Variants in SCYL2 observed in about 807,000 individuals in gnomAD.
SCYL2 encodes SCY1 like pseudokinase 2, also known as SCY1-like protein 2.
Under a neutral mutation model 100.4 loss-of-function variants are expected in SCYL2, and 36 were observed. The observed-to-expected ratio is 0.36, with a 90% CI of 0.27 to 0.47. The LOEUF is 0.47. SCYL2 is among the 20% of genes least tolerant of loss of function. SCYL2 has a pLI of 1.00. For missense variants in SCYL2, 902 were observed against 1,083.9 expected (o/e 0.83, Z 2.36); for synonymous variants, 330 against 359.2 (o/e 0.92, Z 0.92).
intron 3 of SCYL2, among the ~76,000 whole-genome samples, chr12:100,295,776 A>C (rs897842337): frequency 1.1e-5 from 1 of 88,952 alleles, no homozygotes; most frequent in African/African-American, 5.7e-5. Flanking sequence ...GAGACGGGAG[A>C]GGGAGAGGGA....
intron 4 of SCYL2, among the ~76,000 whole-genome samples, chr12:100,309,123 T>C (rs1296582506): frequency 1.3e-5 from 2 of 151,740 alleles, no homozygotes; most frequent in African/African-American, 4.9e-5. Flanking sequence ...TGTGTGTGTG[T>C]GTGTGTGTGT....
At chr12:100,284,356 A>G (rs999246549) in intron 2 of SCYL2, among the ~76,000 whole-genome samples, 4 of 152,102 alleles carry the variant, frequency 2.6e-5, no homozygotes, top group African/African-American at 9.7e-5. Flanking sequence ...ACTTTTCTAC[A>G]TTGCACTTTT....
chr12:100,274,817 A>C (rs566343512), intron 1 of SCYL2, among the ~76,000 whole-genome samples: 1 of 152,320 alleles, frequency 6.6e-6, no homozygotes, highest in African/African-American at 2.4e-5. Context: ...CAATTTGGAG[A>C]GCGATAGGGC....
chr12:100,313,475 A>G lies in SCYL2; in HGVS notation c.906A>G (p.Glu302=). The G allele has an allele frequency of 6.2e-7, 1 of 1,611,662 alleles. No homozygotes were observed. Among genetic ancestry groups the G allele is most frequent in the South Asian group, 1.1e-5 (1 of 90,958 alleles). Residue 302 remains glutamate, a synonymous_variant, in exon 7 of 18, where the codon GAA becomes GAG. Coordinates refer to ENST00000360820, the MANE Select transcript of SCYL2 (RefSeq NM_017988.6). ...SLTNIPEEVR[E]HVKLLLNVTP... ...CAAATATACCTGAGGAAGTTCGTGA[A>G]CATGTAAAGCTACTGTTAAATGTAA...
At chr12:100,318,745 A>G (rs1276978923) in intron 10 of SCYL2, among the ~76,000 whole-genome samples, 1 of 152,184 alleles carries the variant, frequency 6.6e-6, no homozygotes, top group Non-Finnish European at 1.5e-5. Flanking sequence ...TTCTGCAATG[A>G]AGTTAATTTG....
intron 4 of SCYL2, among the ~76,000 whole-genome samples, chr12:100,299,212 G>A (rs558471069): frequency 3.2e-4 from 49 of 152,178 alleles, no homozygotes; most frequent in African/African-American, 1.2e-3. Context: ...TCCAGCCTGG[G>A]TGACAGAGTG....
intron 4 of SCYL2, among the ~76,000 whole-genome samples, chr12:100,303,910 A>G (rs1308025121): frequency 6.6e-6 from 1 of 152,182 alleles, no homozygotes; most frequent in Non-Finnish European, 1.5e-5. Flanking sequence ...AGTTTTATGT[A>G]TAAACCCCTG....
intron 10 of SCYL2, among the ~76,000 whole-genome samples, chr12:100,319,712 G>A (rs992685420): frequency 1.3e-4 from 19 of 151,976 alleles, no homozygotes; most frequent in African/African-American, 4.4e-4. Flanking sequence ...TAGTAGAGAC[G>A]GGGTTTCACC....
chr12:100,289,961 T>C (rs866655692), intron 2 of SCYL2, among the ~76,000 whole-genome samples: 3 of 152,226 alleles, frequency 2.0e-5, no homozygotes, highest in African/African-American at 7.2e-5. Context: ...ATCATATGTA[T>C]GTGTCATTGA....
chr12:100,324,319 A>G (rs1251688134), intron 11 of SCYL2, among the ~76,000 whole-genome samples: 1 of 152,172 alleles, frequency 6.6e-6, no homozygotes, highest in Non-Finnish European at 1.5e-5. Flanking sequence ...TCTTTATAGA[A>G]GTAATATTGA....
At position 100,339,329 on chromosome 12, in the gene SCYL2, T is replaced by C; in HGVS notation, c.*157T>C. On this transcript the variant is annotated 3_prime_UTR_variant, in exon 18 of 18. Coordinates refer to ENST00000360820, the MANE Select transcript of SCYL2 (RefSeq NM_017988.6). ...TGTCCATGCCAGCATAGTAGTTGTA[T>C]GGACTTCTAACCAGTTGAGTTTTTT... 2.7e-6 allele frequency: 2 copies of C among 742,370 alleles called. No homozygotes were observed. Among genetic ancestry groups the C allele is most frequent in the Non-Finnish European group, 4.3e-6 (2 of 468,410 alleles). The allele number at this position is 742,370 out of a possible 1,614,324, so 46.0% of individuals were successfully genotyped here. A position where few individuals can be genotyped will look rare whatever the true frequency, so the allele number is the denominator to read the frequency against.
At position 100,338,664 on chromosome 12, in the gene SCYL2, C is replaced by T; in HGVS notation, c.2282C>T (p.Pro761Leu). 6.2e-7 allele frequency: 1 copy of T among 1,613,960 alleles called. No homozygotes were observed. ...GGCATTGGTATGATGTTTTCTACAC[C>T]AACTGATAATACAAAGAGAAATTTG... ...SMGIGMMFST[P>L]TDNTKRNLTN... The change falls in exon 18 of 18, where the codon CCA (proline) becomes CTA (leucine). Residue 761 changes from proline (P) to leucine (L), a missense_variant. By Grantham distance (98) the Pro-to-Leu change is moderately conservative. Coordinates refer to ENST00000360820, the MANE Select transcript of SCYL2 (RefSeq NM_017988.6).
chr12:100,304,109 A>G (rs1592948348), intron 4 of SCYL2, among the ~76,000 whole-genome samples: 2 of 151,874 alleles, frequency 1.3e-5, no homozygotes, highest in Non-Finnish European at 1.5e-5. Context: ...CTCTCCCCTC[A>G]CTGAGCTCGA....
In SCYL2 at chr12:100,323,593, G is replaced by A; in HGVS notation, c.1464G>A (p.Leu488=). The A allele has an allele frequency of 6.2e-7, 1 of 1,604,844 alleles. No individual in the cohort carries two copies. Among genetic ancestry groups the A allele is most frequent in the African/African-American group, 1.3e-5 (1 of 74,570 alleles). ...LIDYPSMKNA[L]IPRIKNACLQ... is the part of the protein sequence containing the mutation. ...ACTACCCATCCATGAAAAACGCTTT[G>A]ATACCAAGAATTAAAAATGCTTGTC... Residue 488 remains leucine (L), a synonymous_variant, in exon 11 of 18, where the codon TTG becomes TTA. Coordinates refer to ENST00000360820, the MANE Select transcript of SCYL2 (RefSeq NM_017988.6).
At chr12:100,315,263 A>G (rs1425868986) in intron 8 of SCYL2, among the ~76,000 whole-genome samples, 1 of 152,218 alleles carries the variant, frequency 6.6e-6, no homozygotes, top group East Asian at 1.9e-4. Flanking sequence ...ATCGTAAGTA[A>G]TGAAGGAATC....
At chr12:100,285,840 A>G (rs1219941305) in intron 2 of SCYL2, among the ~76,000 whole-genome samples, 1 of 152,102 alleles carries the variant, frequency 6.6e-6, no homozygotes, top group African/African-American at 2.4e-5. Flanking sequence ...TTTGAGAGGT[A>G]TTTCTGAGGC....
At chr12:100,328,191 T>A (rs141146740) in intron 12 of SCYL2, among the ~76,000 whole-genome samples, 1,680 of 152,088 alleles carry the variant, frequency 0.011, 94 homozygotes, top group Admixed American at 0.093. Flanking sequence ...GGTGGGAGAA[T>A]CACATGAACC....
At chr12:100,312,917 G>A (rs1348698425) in intron 6 of SCYL2, among the ~76,000 whole-genome samples, 2 of 152,036 alleles carry the variant, frequency 1.3e-5, no homozygotes, top group Non-Finnish European at 2.9e-5. Flanking sequence ...CCAGGAGTTC[G>A]AGACCAGCCT....
intron 3 of SCYL2, among the ~76,000 whole-genome samples, chr12:100,293,030 C>T (rs1364051507): frequency 1.3e-5 from 2 of 151,904 alleles, no homozygotes; most frequent in African/African-American, 4.8e-5. Context: ...GAAGTGGGGT[C>T]TTGCTATATT....
Sources: allele counts gnomAD v4.1 joint callset (sites outside exome capture counted in the v4.1 genomes callset), GRCh38; gene constraint gnomAD v4.1.1; transcripts MANE v1.5; gene names NCBI Gene and HGNC (gene_info 2026-07-23, HGNC 2026-07-21).